DOCK2: variants seen among roughly 807,000 people sequenced by gnomAD.
DOCK2 encodes dedicator of cytokinesis 2.
A neutral mutation model predicts 248.9 loss-of-function variants in DOCK2; 87 were observed. The ratio of observed to expected loss-of-function variants is 0.35; its 90% CI spans 0.29 to 0.42. The LOEUF (loss-of-function observed/expected upper bound fraction) is 0.42, where lower values mean the gene tolerates loss of function less well. DOCK2 is among the 10% of genes least tolerant of loss of function. The probability of loss-of-function intolerance (pLI) is 1.00; values close to 1 mark genes in which losing one functional copy is unlikely to be tolerated. For synonymous variants in DOCK2, 805 were observed against 821.6 expected, an observed-to-expected ratio of 0.98 and a Z score of 0.35; for missense variants, 1,747 against 2,300.2, an observed-to-expected ratio of 0.76 and a Z score of 4.92.
At chr5:169,988,851 T>A (rs1778138699) in intron 29 of DOCK2, among the ~76,000 whole-genome samples, 1 of 152,142 alleles carries the variant, frequency 6.6e-6, no homozygotes, top group African/African-American at 2.4e-5. Context: ...TAGTGAACAA[T>A]TTCAACCCAA....
chr5:169,923,448 G>C (rs1775279705), intron 27 of DOCK2, among the ~76,000 whole-genome samples: 1 of 151,734 alleles, frequency 6.6e-6, no homozygotes, highest in Non-Finnish European at 1.5e-5. Context: ...CAACCTATTT[G>C]TTAGCAGCAC....
chr5:169,894,070 G>A (rs1561802408), intron 27 of DOCK2, among the ~76,000 whole-genome samples: 1 of 152,132 alleles, frequency 6.6e-6, no homozygotes, highest in African/African-American at 2.4e-5. Context: ...TACTAAAAAC[G>A]ACAGACTCCA....
At chr5:169,897,592 A>G (rs909741871) in intron 27 of DOCK2, among the ~76,000 whole-genome samples, 2 of 152,182 alleles carry the variant, frequency 1.3e-5, no homozygotes, top group Admixed American at 1.3e-4. Flanking sequence ...TTGCCCTGTA[A>G]TATTTCCAGA....
chr5:169,943,108 G>A (rs114349227), intron 27 of DOCK2, among the ~76,000 whole-genome samples: 25 of 152,240 alleles, frequency 1.6e-4, no homozygotes, highest in Middle Eastern at 3.4e-3. Flanking sequence ...TCCATTCAAT[G>A]GAAATATCAT....
At chr5:170,064,644 T>C (rs1581569302) in intron 44 of DOCK2, among the ~76,000 whole-genome samples, 1 of 151,888 alleles carries the variant, frequency 6.6e-6, no homozygotes, top group East Asian at 1.9e-4. Flanking sequence ...ACATACACAT[T>C]ATTGAGGTAC....
At chr5:169,874,442 G>C (rs955939385) in intron 27 of DOCK2, among the ~76,000 whole-genome samples, 3 of 151,170 alleles carry the variant, frequency 2.0e-5, no homozygotes, top group African/African-American at 4.9e-5. Context: ...AGCAATTGGT[G>C]GTCTGTGGAG....
At chr5:169,774,985 C>T (rs28489955) in intron 25 of DOCK2, among the ~76,000 whole-genome samples, 19,832 of 152,006 alleles carry the variant, frequency 0.13, 1,628 homozygotes, top group African/African-American at 0.21. Flanking sequence ...CTTGGCTCAC[C>T]GCAGCCTCCG....
intron 26 of DOCK2, among the ~76,000 whole-genome samples, chr5:169,810,983 T>TCACACACACACACACA (rs781388716): frequency 2.4e-5 from 2 of 84,968 alleles, no homozygotes; most frequent in African/African-American, 4.1e-5. Context: ...TCTCTCTCTC[T>TCACACACACACACACA]CTCTCTCACA....
intron 27 of DOCK2, chr5:169,875,371 T>C: frequency 4.4e-6 from 2 of 453,412 alleles, no homozygotes; most frequent in South Asian, 1.6e-5. Flanking sequence ...GGGAGCACTG[T>C]CTAGGGCCTA....
intron 30 of DOCK2, among the ~76,000 whole-genome samples, chr5:169,998,840 T>C (rs1005004806): frequency 3.4e-4 from 52 of 152,270 alleles, no homozygotes; most frequent in African/African-American, 1.2e-3. Context: ...ACAAAGCATA[T>C]CTCTTTAGCT....
chr5:169,676,359 G>A (rs1759336634), intron 6 of DOCK2, among the ~76,000 whole-genome samples: 1 of 152,138 alleles, frequency 6.6e-6, no homozygotes, highest in Non-Finnish European at 1.5e-5. Context: ...GTGAGTGGGC[G>A]AATGGTGGTG....
chr5:169,663,101 A>T (rs1758533710), intron 2 of DOCK2, among the ~76,000 whole-genome samples: 1 of 152,244 alleles, frequency 6.6e-6, no homozygotes, highest in South Asian at 2.1e-4. Flanking sequence ...AGGAGAAATT[A>T]GCCAAAACAA....
chr5:169,670,558 C>T lies in DOCK2; in HGVS notation c.185C>T (p.Ser62Leu). Residue 62 changes from serine to leucine, a missense_variant, in exon 4 of 52, where the codon TCA becomes TTA. This residue lies in a region of DOCK2 where 375 missense variants were observed against 510.9 expected (regional missense o/e 0.73). Coordinates refer to ENST00000520908, the MANE Select transcript of DOCK2 (RefSeq NM_004946.3). ...TTCCAACAGGGCATTTTTCCTAAGT[C>T]ATTTATCCACATCAAGGAAGTGACA... The part of the protein sequence containing the change: ...HKMLQGIFPK[S>L]FIHIKEVTVE... 1 of 1,613,164 alleles carries T rather than the reference C, an allele frequency of 6.2e-7. No homozygotes were observed. Among genetic ancestry groups the T allele is most frequent in the Non-Finnish European group, 8.5e-7 (1 of 1,179,720 alleles).
At chr5:169,791,875 C>T (rs899834734) in intron 25 of DOCK2, among the ~76,000 whole-genome samples, 3 of 152,134 alleles carry the variant, frequency 2.0e-5, no homozygotes, top group Non-Finnish European at 4.4e-5. Context: ...ATTAATATTC[C>T]ACTCTCTCAC....
rs76537990 is a variant in DOCK2 at position 169,922,698 on chromosome 5, A to G, written c.2800-60370A>G. Among the ~76,000 whole-genome samples, 848 of 152,332 alleles carry G rather than the reference A, an allele frequency of 5.6e-3. 9 individuals carry two copies. Among genetic ancestry groups the G allele is most frequent in the African/African-American group, 0.02 (826 of 41,580 alleles). ...TATATGGTCACACAGCTTAATGTAT[A>G]CTTGAGCTGGAGCCAGATCCTAACC... On this transcript the variant is annotated intron_variant, in intron 27 of 51. Transcript: ENST00000520908.
At chr5:169,920,849 C>G (rs1775133005) in intron 27 of DOCK2, among the ~76,000 whole-genome samples, 1 of 120,334 alleles carries the variant, frequency 8.3e-6, no homozygotes, top group Non-Finnish European at 1.7e-5. Flanking sequence ...CTGACCTCCA[C>G]CCTAGGACAC....
At chr5:169,748,083 G>A (rs972766105) in intron 23 of DOCK2, among the ~76,000 whole-genome samples, 3 of 152,172 alleles carry the variant, frequency 2.0e-5, no homozygotes, top group Non-Finnish European at 2.9e-5. Context: ...GCGGGTGGGG[G>A]AAGCTGGGAG....
intron 46 of DOCK2, among the ~76,000 whole-genome samples, chr5:170,070,739 G>T (rs1011028242): frequency 1.3e-5 from 2 of 152,084 alleles, no homozygotes; most frequent in Non-Finnish European, 2.9e-5. Flanking sequence ...CAATTGCCCT[G>T]GTCCTCTCCA....
intron 27 of DOCK2, among the ~76,000 whole-genome samples, chr5:169,982,279 G>T (rs971789064): frequency 6.6e-6 from 1 of 152,032 alleles, no homozygotes; most frequent in African/African-American, 2.4e-5. Context: ...CTCCCTGAAT[G>T]CTGCTTGCAG....
Sources: gnomAD v4.1 joint callset for allele counts (sites outside exome capture counted in the v4.1 genomes callset) on GRCh38, gnomAD v4.1.1 for gene constraint, gnomAD v4.1.1 regional missense constraint, MANE v1.5 for transcripts, NCBI Gene and HGNC (gene_info 2026-07-23, HGNC 2026-07-21) for gene names.